The following PPP4R1 variants were observed in gnomAD, a reference collection of about 807,000 sequenced individuals.
PPP4R1 encodes the protein protein phosphatase 4 regulatory subunit 1.
In PPP4R1, 42 loss-of-function variants were observed where a neutral mutation model predicts 111.2. That is an observed-to-expected ratio of 0.38 (90% CI 0.29 to 0.49). The LOEUF (loss-of-function observed/expected upper bound fraction) is 0.49, where lower values mean the gene tolerates loss of function less well. PPP4R1 is among the 20% of genes least tolerant of loss of function. The pLI is 0.97. For missense variants in PPP4R1, 1,012 were observed against 1,161.6 expected (o/e 0.87, Z 1.87); for synonymous variants, 409 against 405.5 (o/e 1.01, Z -0.10).
At chr18:9,567,495 G>C (rs559224546) in intron 11 of PPP4R1, among the ~76,000 whole-genome samples, 3 of 152,178 alleles carry the variant, frequency 2.0e-5, no homozygotes, top group Non-Finnish European at 4.4e-5. Context: ...TGGGATTACA[G>C]GCACATGGTC....
At chr18:9,596,406 T>C (rs1334069870) in intron 2 of PPP4R1, among the ~76,000 whole-genome samples, 1 of 152,200 alleles carries the variant, frequency 6.6e-6, no homozygotes, top group Non-Finnish European at 1.5e-5. Context: ...TTCTCAATAG[T>C]GCCTGTCAAC....
rs573876935 is a variant in PPP4R1 at position 9,605,408 on chromosome 18, C to T, written c.52+8818G>A. ...AACAGGGTATTTCCCCATTGTCAAA[C>T]TATTTCCTTACTAATTACAATAGGA... On this transcript the variant is annotated intron_variant, in intron 2 of 19. Transcript: ENST00000400556. Among the ~76,000 whole-genome samples the T allele has an allele frequency of 2.0e-5, 3 of 151,946 alleles. No homozygotes were observed. The East Asian group carries it at 5.8e-4, about 29-fold the overall frequency.
At chr18:9,563,215 A>G (rs1015393086) in intron 12 of PPP4R1, 163 bp downstream of exon 12, 1 of 1,203,106 alleles carries the variant, frequency 8.3e-7, no homozygotes, top group Non-Finnish European at 1.1e-6. Context: ...TGTCACGAGG[A>G]CAGGATGTGA....
Position 9,578,862 on chromosome 18 carries a change from G to A in PPP4R1, c.919-1671C>T, listed in dbSNP as rs62088861. Among the ~76,000 whole-genome samples the A allele has an allele frequency of 4.4e-3, 672 of 152,234 alleles. 2 individuals carry two copies. Among genetic ancestry groups the A allele is most frequent in the Admixed American group, 7.5e-3 (114 of 15,282 alleles). ...AAAAGGATAAAAGGTCACTTTTAAC[G>A]CTGTATGCACGAATTTAATCTTCTC... On this transcript the variant is annotated intron_variant, in intron 9 of 19. Coordinates refer to ENST00000400556, the MANE Select transcript of PPP4R1 (RefSeq NM_001042388.3).
intron 19 of PPP4R1, 41 bp from the exon 20 acceptor site, chr18:9,547,993 A>G (rs762343513): frequency 6.3e-7 from 1 of 1,598,158 alleles, no homozygotes; most frequent in Non-Finnish European, 8.6e-7. Flanking sequence ...AACCAGTCCA[A>G]CGGAACACTT....
intron 15 of PPP4R1, among the ~76,000 whole-genome samples, chr18:9,556,445 A>G (rs369746800): frequency 4.6e-5 from 7 of 152,020 alleles, no homozygotes; most frequent in South Asian, 4.1e-4. Flanking sequence ...TGCCCGCCTC[A>G]GCCTCCCAAA....
intron 14 of PPP4R1, among the ~76,000 whole-genome samples, chr18:9,557,727 T>C (rs910010292): frequency 7.9e-5 from 12 of 152,190 alleles, no homozygotes; most frequent in African/African-American, 2.7e-4. Flanking sequence ...TAATTTCCTG[T>C]AGCACTAAGC....
chr18:9,570,834 AT>A (rs2066850737), intron 10 of PPP4R1, 151 bp from the exon 11 acceptor site: 1 of 841,652 alleles, frequency 1.2e-6, no homozygotes, highest in East Asian at 2.9e-5. Context: ...TATATTATTT[AT>A]AATGCTTCTT....
intron 13 of PPP4R1, among the ~76,000 whole-genome samples, chr18:9,561,237 T>C (rs2066670709): frequency 6.8e-6 from 1 of 147,170 alleles, no homozygotes; most frequent in Non-Finnish European, 1.5e-5. Context: ...ATAATAATAA[T>C]AATAATAATA....
At chr18:9,564,725 TGTGTGTGTGTGTGG>T (rs768976778) in intron 11 of PPP4R1, among the ~76,000 whole-genome samples, 10 of 51,430 alleles carry the variant, frequency 1.9e-4, no homozygotes, top group East Asian at 1.1e-3. Flanking sequence ...TGTGTGTGTG[TGTGTGTGTGTGTGG>T]GGGTATCATC....
intron 15 of PPP4R1, among the ~76,000 whole-genome samples, chr18:9,556,561 T>C (rs192802537): frequency 2.6e-5 from 4 of 152,154 alleles, no homozygotes; most frequent in Non-Finnish European, 5.9e-5. Context: ...CCAGAGTCAA[T>C]TTCAAGGCTA....
chr18:9,570,340 G>C lies in PPP4R1; in HGVS notation c.1390C>G (p.Pro464Ala), dbSNP rs2066840802. The change falls in exon 11 of 20, where the codon CCT (proline) becomes GCT (alanine). Residue 464 changes from proline (P) to alanine (A), a missense_variant. Physicochemically the swap from Pro to Ala is conservative, Grantham distance 27. Transcript: ENST00000400556. ...AGCTCTATGTCTAGATCTATTTCAGGAAGAGGAGTCCTCCAGAAATGGAAG... is the reference window on the plus strand; with the variant it reads ...AGCTCTATGTCTAGATCTATTTCAGCAAGAGGAGTCCTCCAGAAATGGAAG... ...NSFHFWRTPLPEIDLDIELEQ... is the reference protein window; with the variant it reads ...NSFHFWRTPLAEIDLDIELEQ... 1 of 1,611,518 alleles carries C rather than the reference G, an allele frequency of 6.2e-7. No homozygotes were observed.
At chr18:9,593,656 A>G in intron 4 of PPP4R1, 112 bp downstream of exon 4, 1 of 943,756 alleles carries the variant, frequency 1.1e-6, no homozygotes, top group Non-Finnish European at 1.5e-6. Flanking sequence ...TACTTAGGAA[A>G]TATTTTAAAG....
intron 14 of PPP4R1, among the ~76,000 whole-genome samples, chr18:9,558,714 T>TTA (rs772821340): frequency 0.25 from 38,020 of 150,690 alleles, 4,950 homozygotes; most frequent in Middle Eastern, 0.36. Context: ...TTTTTTTTTT[T>TTA]AAATAACTGA....
intron 10 of PPP4R1, among the ~76,000 whole-genome samples, chr18:9,573,367 CAA>C (rs1173978055): frequency 3.3e-5 from 5 of 151,972 alleles, no homozygotes; most frequent in African/African-American, 1.2e-4. Flanking sequence ...AACTTATTCT[CAA>C]AGAGTTCAGA....
At chr18:9,597,193 C>A (rs1221657856) in intron 2 of PPP4R1, among the ~76,000 whole-genome samples, 4 of 152,080 alleles carry the variant, frequency 2.6e-5, no homozygotes, top group Admixed American at 2.6e-4. Flanking sequence ...AGACACTGGA[C>A]AAAAGACAGT....
In PPP4R1 at chr18:9,546,800, A is replaced by C. The variant is rs952207242; in HGVS notation, c.*989T>G. ...TCCAGAGAAACTAATAAACTAGTTA[A>C]AAGACAAATATTTTAATCTAGTTTC... On this transcript the variant is annotated 3_prime_UTR_variant, in exon 20 of 20. Transcript: ENST00000400556. 1 of 152,232 alleles carries C rather than the reference A, an allele frequency of 6.6e-6. No individual in the cohort carries two copies. Among genetic ancestry groups the C allele is most frequent in the African/African-American group, 2.4e-5 (1 of 41,456 alleles). The allele number at this position is 152,232 out of a possible 1,614,324, so 9.4% of individuals were successfully genotyped here.
chr18:9,570,040 G>A (rs1275787624), intron 11 of PPP4R1, 117 bp downstream of exon 11: 5 of 1,120,488 alleles, frequency 4.5e-6, no homozygotes, highest in Non-Finnish European at 3.6e-6. Context: ...ATGAGTCACT[G>A]TGCCCAGTCC....
At chr18:9,557,540 C>T (rs181310886) in intron 14 of PPP4R1, among the ~76,000 whole-genome samples, 158 bp from the exon 15 acceptor site, 35 of 152,288 alleles carry the variant, frequency 2.3e-4, no homozygotes, top group African/African-American at 8.4e-4. Flanking sequence ...AATTATGCAT[C>T]GAAAAGTGTA....
Sources: allele counts gnomAD v4.1 joint callset (sites outside exome capture counted in the v4.1 genomes callset), GRCh38; gene constraint gnomAD v4.1.1; transcripts MANE v1.5; gene names NCBI Gene and HGNC (gene_info 2026-07-23, HGNC 2026-07-21).